The following FBXO11 variants were observed in gnomAD, a reference collection of about 807,000 sequenced individuals.
FBXO11 encodes F-box only protein 11.
A neutral mutation model predicts 117.0 loss-of-function variants in FBXO11; 13 were observed. The observed-to-expected ratio is 0.11, with a 90% CI of 0.07 to 0.18. FBXO11 has a LOEUF of 0.18. FBXO11 is among the 10% of genes least tolerant of loss of function. The pLI is 1.00. For synonymous variants in FBXO11, 490 were observed against 380.5 expected, an observed-to-expected ratio of 1.29 and a Z score of -3.35; for missense variants, 767 against 1,164.4, an observed-to-expected ratio of 0.66 and a Z score of 4.97.
intron 19 of FBXO11, 58 bp downstream of exon 19, chr2:47,810,258 A>C (rs930154119): frequency 4.9e-5 from 56 of 1,132,412 alleles, no homozygotes; most frequent in Non-Finnish European, 6.3e-5. Context: ...AATATACTCC[A>C]CATCAAACAC....
chr2:47,905,390 C>T, intron 1 of FBXO11, 99 bp downstream of exon 1: 1 of 1,070,382 alleles, frequency 9.3e-7, no homozygotes, highest in African/African-American at 1.9e-5. Context: ...ACCCCCAGGG[C>T]GCGCAGGCCG....
chr2:47,829,273 C>T (rs1348269604), intron 11 of FBXO11, among the ~76,000 whole-genome samples: 1 of 151,958 alleles, frequency 6.6e-6, no homozygotes, highest in Admixed American at 6.6e-5. Flanking sequence ...CAGAGTCTTG[C>T]TCTGTCGCCC....
At chr2:47,846,929 CTT>C (rs2104921413) in intron 1 of FBXO11, among the ~76,000 whole-genome samples, 1 of 152,270 alleles carries the variant, frequency 6.6e-6, no homozygotes, top group South Asian at 2.1e-4. Context: ...CATACAGTCA[CTT>C]ATCACTTAAA....
chr2:47,834,051 C>CATATTAGTATATGTATTAGTATAT (rs1338737186), intron 7 of FBXO11, among the ~76,000 whole-genome samples: 2 of 152,070 alleles, frequency 1.3e-5, no homozygotes, highest in Non-Finnish European at 2.9e-5. Context: ...AAAGTACTAA[C>CATATTAGTATATGTATTAGTATAT]ATTAGGAAAC....
intron 1 of FBXO11, among the ~76,000 whole-genome samples, chr2:47,846,536 C>T (rs962876124): frequency 1.6e-4 from 25 of 151,868 alleles, no homozygotes; most frequent in Admixed American, 3.3e-4. Context: ...CAATGATTGT[C>T]AAGTTGTAAT....
chr2:47,888,566 T>C (rs1424080771), intron 1 of FBXO11: 1 of 452,454 alleles, frequency 2.2e-6, no homozygotes, highest in African/African-American at 2.1e-5. Flanking sequence ...AGGAAAAAAA[T>C]AGCTGAGCAA....
chr2:47,823,193 T>C lies in FBXO11; in HGVS notation c.1566A>G (p.Ala522=), dbSNP rs1558414178. 1 of 1,614,092 alleles carries C rather than the reference T, an allele frequency of 6.2e-7. No homozygotes were observed. The highest frequency in any genetic ancestry group is 8.5e-7 in the Non-Finnish European group (1 of 1,179,986). The change falls in exon 12 of 23, where the codon GCA becomes GCG. Residue 522 remains alanine, a synonymous_variant. Coordinates refer to ENST00000403359, the MANE Select transcript of FBXO11 (RefSeq NM_001190274.2). Reference sequence around the variant, plus strand: ...TAATCCATACACCTGCAAAGTTGTTTGCATAGATTTTATTCTCTATGAATT... The same window carrying C: ...TAATCCATACACCTGCAAAGTTGTTCGCATAGATTTTATTCTCTATGAATT... The part of the protein sequence containing the change: ...RGQFIENKIY[A]NNFAGVWITS...
intron 13 of FBXO11, among the ~76,000 whole-genome samples, chr2:47,821,086 T>C (rs991318372): frequency 1.3e-5 from 2 of 152,248 alleles, no homozygotes; most frequent in African/African-American, 4.8e-5. Flanking sequence ...CTATGGAAAC[T>C]GCAGATATTC....
At chr2:47,816,948 T>A (rs758898653) in intron 16 of FBXO11, among the ~76,000 whole-genome samples, 2 of 152,164 alleles carry the variant, frequency 1.3e-5, no homozygotes, top group Non-Finnish European at 2.9e-5. Context: ...CAACTTAAAG[T>A]CATCAGCTTA....
At chr2:47,838,732 T>G in intron 4 of FBXO11, 127 bp downstream of exon 4, 1 of 757,738 alleles carries the variant, frequency 1.3e-6, no homozygotes, top group Non-Finnish European at 2.1e-6. Flanking sequence ...TTGGAATTGA[T>G]AAGCATTTTA....
intron 1 of FBXO11, among the ~76,000 whole-genome samples, chr2:47,841,793 A>G (rs1249978732): frequency 6.6e-6 from 1 of 151,688 alleles, no homozygotes; most frequent in East Asian, 2.0e-4. Context: ...GGCACACACC[A>G]CCATGCCTGG....
At chr2:47,892,228 T>C (rs192193514) in intron 1 of FBXO11, among the ~76,000 whole-genome samples, 3 of 152,170 alleles carry the variant, frequency 2.0e-5, no homozygotes, top group Non-Finnish European at 4.4e-5. Flanking sequence ...GTAGATTCCA[T>C]ATACAGTATT....
chr2:47,858,681 C>CAAA (rs902232765), intron 1 of FBXO11, among the ~76,000 whole-genome samples: 1 of 67,484 alleles, frequency 1.5e-5, no homozygotes, highest in Non-Finnish European at 2.9e-5. Context: ...GACTCTGCCT[C>CAAA]AAAAAAAAAA....
chr2:47,892,069 C>G (rs1164469271), intron 1 of FBXO11, among the ~76,000 whole-genome samples: 2 of 152,104 alleles, frequency 1.3e-5, no homozygotes, highest in Non-Finnish European at 2.9e-5. Context: ...TCATAGGATG[C>G]CCTTTCACTT....
intron 1 of FBXO11, among the ~76,000 whole-genome samples, chr2:47,903,331 G>C (rs987508053): frequency 2.0e-5 from 3 of 152,138 alleles, no homozygotes; most frequent in Non-Finnish European, 1.5e-5. Flanking sequence ...CTCCAAAACA[G>C]TTTGTACTAG....
At chr2:47,835,829 A>G (rs1278189708) in intron 5 of FBXO11, 43 bp downstream of exon 5, 60 of 1,458,508 alleles carry the variant, frequency 4.1e-5, no homozygotes, top group African/African-American at 5.8e-5. Flanking sequence ...AGTTATTTAC[A>G]AATGTATAAT....
At chr2:47,809,520 G>C in intron 20 of FBXO11, 80 bp downstream of exon 20, 2 of 1,009,092 alleles carry the variant, frequency 2.0e-6, no homozygotes, top group Non-Finnish European at 3.0e-6. Flanking sequence ...GTGACATAAG[G>C]AATCAAGTTA....
At position 47,856,433 on chromosome 2, in the gene FBXO11, G is replaced by T. The variant is rs73929246; in HGVS notation, c.233-16664C>A. 3.8e-3 allele frequency among the ~76,000 whole-genome samples: 577 copies of T among 152,238 alleles called. 5 individuals are homozygous for T. Among genetic ancestry groups the T allele is most frequent in the African/African-American group, 0.013 (549 of 41,540 alleles). ...AAGAGAAGGAATCCCATGATAAAGGGTATAAAATAGGTCCAAAGAAACCAG... is the reference window on the plus strand; with the variant it reads ...AAGAGAAGGAATCCCATGATAAAGGTTATAAAATAGGTCCAAAGAAACCAG... On this transcript the variant is annotated intron_variant, in intron 1 of 22. Transcript: ENST00000403359.
intron 1 of FBXO11, 79 bp downstream of exon 1, chr2:47,905,410 G>A (rs1263536024): frequency 6.4e-6 from 5 of 776,110 alleles, no homozygotes; most frequent in Non-Finnish European, 7.9e-6. Context: ...GCCCCCGCCC[G>A]CCCGCCCGCC....
Sources: allele counts gnomAD v4.1 joint callset (sites outside exome capture counted in the v4.1 genomes callset), GRCh38; gene constraint gnomAD v4.1.1; transcripts MANE v1.5; gene names NCBI Gene and HGNC (gene_info 2026-07-23, HGNC 2026-07-21).